The following PARN variants were observed in gnomAD, a reference collection of about 807,000 sequenced individuals.
PARN encodes poly(A)-specific ribonuclease PARN.
A neutral mutation model predicts 102.8 loss-of-function variants in PARN; 71 were observed. The observed-to-expected ratio is 0.69, with a 90% CI of 0.57 to 0.84. The LOEUF is 0.84. Ranked by LOEUF, PARN falls within the 40% of genes least tolerant of loss-of-function variation. The pLI is 0.00. For synonymous variants in PARN, 261 were observed against 252.9 expected (o/e 1.03, Z -0.30); for missense variants, 782 against 760.9 (o/e 1.03, Z -0.33).
At chr16:14,471,281 T>C (rs1217465684) in intron 22 of PARN, among the ~76,000 whole-genome samples, 2 of 152,150 alleles carry the variant, frequency 1.3e-5, no homozygotes, top group East Asian at 3.9e-4. Flanking sequence ...GGCATTTTAA[T>C]AAATAAAGCA....
intron 21 of PARN, among the ~76,000 whole-genome samples, chr16:14,525,399 C>T (rs544079451): frequency 6.6e-6 from 1 of 152,120 alleles, no homozygotes; most frequent in African/African-American, 2.4e-5. Flanking sequence ...AGGGACAACC[C>T]TTCTATGATG....
At chr16:14,566,783 A>AG (rs1486794073) in intron 18 of PARN, among the ~76,000 whole-genome samples, 2 of 152,248 alleles carry the variant, frequency 1.3e-5, no homozygotes. Context: ...CAAGACTAGA[A>AG]CAGCTCAGCA....
At chr16:14,579,803 C>T (rs1969391744) in intron 18 of PARN, among the ~76,000 whole-genome samples, 1 of 152,054 alleles carries the variant, frequency 6.6e-6, no homozygotes. Flanking sequence ...TGGTGAAACA[C>T]CATCTCTACT....
At chr16:14,544,847 C>G (rs35459390) in intron 21 of PARN, among the ~76,000 whole-genome samples, 44,214 of 151,998 alleles carry the variant, frequency 0.29, 7,423 homozygotes, top group South Asian at 0.43. Flanking sequence ...GATTTTAACC[C>G]TTCTCAAAAA....
chr16:14,530,887 T>C (rs984913632), intron 21 of PARN, among the ~76,000 whole-genome samples: 1 of 152,210 alleles, frequency 6.6e-6, no homozygotes, highest in Non-Finnish European at 1.5e-5. Context: ...CCAAGTCTAC[T>C]GGGTGGGACA....
chr16:14,619,091 G>C (rs970106575), intron 5 of PARN, among the ~76,000 whole-genome samples: 2 of 151,900 alleles, frequency 1.3e-5, no homozygotes, highest in African/African-American at 2.4e-5. Context: ...AGCTACCCAG[G>C]GGCTGAGGTA....
chr16:14,507,757 G>A (rs143777785), intron 21 of PARN, among the ~76,000 whole-genome samples: 5 of 152,106 alleles, frequency 3.3e-5, no homozygotes, highest in South Asian at 4.1e-4. Flanking sequence ...AAATTCCTAC[G>A]CCCAAAGAGG....
intron 22 of PARN, among the ~76,000 whole-genome samples, chr16:14,476,928 A>G (rs1320563055): frequency 1.3e-5 from 2 of 152,254 alleles, no homozygotes; most frequent in African/African-American, 2.4e-5. Flanking sequence ...AGGCAGTAGA[A>G]TAAGAGGAAC....
At chr16:14,526,179 GT>G (rs370572514) in intron 21 of PARN, among the ~76,000 whole-genome samples, 4,146 of 134,516 alleles carry the variant, frequency 0.031, 59 homozygotes, top group Middle Eastern at 0.045. Context: ...ATCATCCACT[GT>G]TTTTTTTTTT....
At chr16:14,481,916 T>G (rs558482382) in intron 22 of PARN, among the ~76,000 whole-genome samples, 22 of 152,294 alleles carry the variant, frequency 1.4e-4, no homozygotes, top group Middle Eastern at 3.4e-3. Context: ...AGTCAAGCAT[T>G]CTTTCTACAG....
chr16:14,516,657 G>A (rs1965473764), intron 21 of PARN, among the ~76,000 whole-genome samples: 1 of 152,132 alleles, frequency 6.6e-6, no homozygotes, highest in South Asian at 2.1e-4. Flanking sequence ...CAAGTACAAA[G>A]GCTTCTGACA....
intron 22 of PARN, among the ~76,000 whole-genome samples, chr16:14,476,074 A>G (rs1362351126): frequency 6.6e-6 from 1 of 152,228 alleles, no homozygotes; most frequent in Non-Finnish European, 1.5e-5. Flanking sequence ...AAATAAAAAT[A>G]AAAGACAGAC....
intron 22 of PARN, among the ~76,000 whole-genome samples, chr16:14,451,858 A>AAAAAAAAT (rs1961463924): frequency 1.2e-5 from 1 of 84,514 alleles, no homozygotes; most frequent in African/African-American, 5.5e-5. Context: ...AAAAAAAAAA[A>AAAAAAAAT]AAAAAAAATA....
intron 13 of PARN, among the ~76,000 whole-genome samples, chr16:14,590,964 T>G (rs1278464720): frequency 6.6e-6 from 1 of 152,186 alleles, no homozygotes; most frequent in Non-Finnish European, 1.5e-5. Flanking sequence ...AATATTAATC[T>G]TTTAGCTGGG....
intron 21 of PARN, among the ~76,000 whole-genome samples, chr16:14,508,738 T>C (rs1230066114): frequency 1.4e-5 from 2 of 139,016 alleles, no homozygotes; most frequent in Non-Finnish European, 3.2e-5. Flanking sequence ...ATGTGGAAAC[T>C]TGAAAAAAAA....
At chr16:14,624,146 A>T (rs1029584791) in intron 5 of PARN, among the ~76,000 whole-genome samples, 2 of 152,174 alleles carry the variant, frequency 1.3e-5, no homozygotes, top group African/African-American at 4.8e-5. Context: ...TTTTTTAAAG[A>T]ACATATTAAA....
intron 21 of PARN, among the ~76,000 whole-genome samples, chr16:14,514,564 G>A (rs768786387): frequency 1.3e-5 from 2 of 152,134 alleles, no homozygotes; most frequent in Non-Finnish European, 2.9e-5. Flanking sequence ...GTGAGGTGAG[G>A]GAGACTGAAT....
chr16:14,450,650 G>GC (rs1352647195), intron 22 of PARN, among the ~76,000 whole-genome samples: 2 of 152,134 alleles, frequency 1.3e-5, no homozygotes, highest in African/African-American at 2.4e-5. Context: ...GTAGCAATGA[G>GC]CATATCTATT....
intron 22 of PARN, among the ~76,000 whole-genome samples, chr16:14,451,275 C>A (rs978237436): frequency 6.6e-6 from 1 of 152,224 alleles, no homozygotes; most frequent in African/African-American, 2.4e-5. Flanking sequence ...GGAATGTTCC[C>A]AATCCCTGTT....
Sources: allele counts gnomAD v4.1 joint callset (sites outside exome capture counted in the v4.1 genomes callset), GRCh38; gene constraint gnomAD v4.1.1; transcripts MANE v1.5; gene names NCBI Gene and HGNC (gene_info 2026-07-23, HGNC 2026-07-21).